Variants in LSAMP observed in about 807,000 individuals in gnomAD.
LSAMP encodes the protein limbic system associated membrane protein.
In LSAMP, 7 loss-of-function variants were observed where a neutral mutation model predicts 38.6. The observed-to-expected ratio is 0.18, with a 90% CI of 0.10 to 0.34. The LOEUF (loss-of-function observed/expected upper bound fraction) is 0.34, where lower values mean the gene tolerates loss of function less well. Among genes scored for constraint, LSAMP ranks in the 10% least tolerant of loss-of-function variants. The probability of loss-of-function intolerance (pLI) is 1.00; values close to 1 mark genes in which losing one functional copy is unlikely to be tolerated. For missense variants in LSAMP, 313 were observed against 420.0 expected (o/e 0.75, Z 2.23); for synonymous variants, 154 against 166.8 (o/e 0.92, Z 0.59).
At chr3:115,844,261 C>A (rs148891287) in intron 4 of LSAMP, among the ~76,000 whole-genome samples, 175 of 152,262 alleles carry the variant, frequency 1.1e-3, no homozygotes, top group African/African-American at 4.0e-3. Flanking sequence ...TCTTAAATTG[C>A]TAACTTTCCA....
chr3:116,347,888 T>G (rs770256296), intron 1 of LSAMP, among the ~76,000 whole-genome samples: 1 of 152,000 alleles, frequency 6.6e-6, no homozygotes, highest in Non-Finnish European at 1.5e-5. Flanking sequence ...AAGACAGATA[T>G]AAAAAGAGAA....
intron 3 of LSAMP, among the ~76,000 whole-genome samples, chr3:116,016,290 G>A (rs191239238): frequency 6.6e-6 from 1 of 152,276 alleles, no homozygotes; most frequent in East Asian, 1.9e-4. Flanking sequence ...ATGATCAGTT[G>A]GTTATTTAGG....
At chr3:116,270,002 T>C (rs1398310239) in intron 1 of LSAMP, among the ~76,000 whole-genome samples, 1 of 152,148 alleles carries the variant, frequency 6.6e-6, no homozygotes, top group Admixed American at 6.6e-5. Flanking sequence ...AGCTAAACCA[T>C]TTTTAACATG....
At position 115,809,763 on chromosome 3, in the gene LSAMP, A is replaced by T. The variant is rs1434148621; in HGVS notation, c.*554T>A. ...ACTGGAGGGAGAGGGGATGATCTCT[A>T]AAGTTGGAGAGATAGTGGAGGAAGG... On this transcript the variant is annotated 3_prime_UTR_variant, in exon 7 of 7. Coordinates refer to ENST00000490035, the MANE Select transcript of LSAMP (RefSeq NM_002338.5). 6.5e-6 allele frequency: 1 copy of T among 152,830 alleles called. No individual in the cohort carries two copies. Among genetic ancestry groups the T allele is most frequent in the Non-Finnish European group, 1.5e-5 (1 of 68,616 alleles). 9.5% of individuals were successfully genotyped at this position (152,830 alleles called of 1,614,324 possible). A position where few individuals can be genotyped will look rare whatever the true frequency, so the allele number is the denominator to read the frequency against.
chr3:116,403,587 C>A (rs2107829235), intron 1 of LSAMP, among the ~76,000 whole-genome samples: 1 of 152,060 alleles, frequency 6.6e-6, no homozygotes, highest in East Asian at 1.9e-4. Flanking sequence ...AGCTAAAAGT[C>A]TAATTGAAAT....
chr3:115,996,452 TACAG>T (rs1939817039), intron 3 of LSAMP, among the ~76,000 whole-genome samples: 1 of 152,134 alleles, frequency 6.6e-6, no homozygotes, highest in African/African-American at 2.4e-5. Context: ...ATCATTGCTT[TACAG>T]TATTATGACT....
At chr3:116,088,473 TG>T (rs1216930999) in intron 1 of LSAMP, among the ~76,000 whole-genome samples, 1 of 152,194 alleles carries the variant, frequency 6.6e-6, no homozygotes. Flanking sequence ...TCTCTGTTCT[TG>T]GTGATGTTTG....
rs571704477 is a variant in LSAMP, at chr3:116,204,352, G to T, written c.156-117796C>A. ...AAAACTTTCTCCCATTTTGTAGGTT[G>T]CCTGTTCACTCTGATGGTAGTTTCT... On this transcript the variant is annotated intron_variant, in intron 1 of 6. Coordinates refer to ENST00000490035, the MANE Select transcript of LSAMP (RefSeq NM_002338.5). Among the ~76,000 whole-genome samples, 52 of 152,144 alleles carry T rather than the reference G, an allele frequency of 3.4e-4. 1 individual carries two copies. Among genetic ancestry groups the T allele is most frequent in the Admixed American group, 1.6e-3 (24 of 15,298 alleles).
At chr3:116,195,040 A>C (rs7641198) in intron 1 of LSAMP, among the ~76,000 whole-genome samples, 120,217 of 152,122 alleles carry the variant, frequency 0.79, 48,601 homozygotes, top group East Asian at 0.91. Flanking sequence ...GTTCATTCAG[A>C]GAGATGTGCT....
At chr3:116,204,173 G>T (rs1281261777) in intron 1 of LSAMP, among the ~76,000 whole-genome samples, 1 of 151,896 alleles carries the variant, frequency 6.6e-6, no homozygotes, top group Non-Finnish European at 1.5e-5. Flanking sequence ...ATTTTTTCAT[G>T]TGTTTTTTGG....
chr3:116,399,515 C>T (rs142739952), intron 1 of LSAMP, among the ~76,000 whole-genome samples: 150 of 152,220 alleles, frequency 9.9e-4, no homozygotes, highest in Admixed American at 3.7e-3. Context: ...AACGGTGATG[C>T]TGCAAAGTGG....
intron 1 of LSAMP, among the ~76,000 whole-genome samples, chr3:116,240,788 C>T (rs1286088734): frequency 6.6e-6 from 1 of 152,214 alleles, no homozygotes; most frequent in Non-Finnish European, 1.5e-5. Context: ...ATTAGATTCT[C>T]AAGAGAGCTG....
chr3:116,057,932 TACACACACACACACACACACACACCC>T (rs1366780044), intron 2 of LSAMP, among the ~76,000 whole-genome samples: 2 of 136,656 alleles, frequency 1.5e-5, no homozygotes, highest in African/African-American at 5.6e-5. Context: ...ATATAGTAGC[TACACACACACACACACACACACACCC>T]ACACACACAC....
intron 3 of LSAMP, among the ~76,000 whole-genome samples, chr3:115,994,588 C>T (rs1055477511): frequency 6.6e-6 from 1 of 151,950 alleles, no homozygotes; most frequent in Admixed American, 6.6e-5. Flanking sequence ...GAAAGGTAGC[C>T]TCATTTCAGC....
chr3:116,414,034 C>T (rs1242502228), intron 1 of LSAMP, among the ~76,000 whole-genome samples: 3 of 152,002 alleles, frequency 2.0e-5, no homozygotes, highest in Admixed American at 6.6e-5. Context: ...GCAGGAAAGG[C>T]GGCTGGATGA....
chr3:116,148,986 C>A (rs1216642119), intron 1 of LSAMP, among the ~76,000 whole-genome samples: 1 of 152,036 alleles, frequency 6.6e-6, no homozygotes, highest in East Asian at 1.9e-4. Flanking sequence ...TGGGGCACAG[C>A]CACAGAGCAA....
At chr3:116,198,581 AAC>A (rs552309693) in intron 1 of LSAMP, among the ~76,000 whole-genome samples, 1 of 151,298 alleles carries the variant, frequency 6.6e-6, no homozygotes, top group Non-Finnish European at 1.5e-5. Flanking sequence ...CATCCCGGCT[AAC>A]ACAGTGAAAC....
At chr3:116,148,711 C>T (rs968997279) in intron 1 of LSAMP, among the ~76,000 whole-genome samples, 7 of 151,874 alleles carry the variant, frequency 4.6e-5, no homozygotes, top group Admixed American at 3.3e-4. Flanking sequence ...TAAATTTAGT[C>T]GCTTTTTAAA....
chr3:115,950,151 G>T (rs1938234985), intron 3 of LSAMP, among the ~76,000 whole-genome samples: 1 of 147,832 alleles, frequency 6.8e-6, no homozygotes, highest in African/African-American at 2.7e-5. Context: ...AAAGTTGAAA[G>T]AAATCCCCCT....
Sources: allele counts gnomAD v4.1 joint callset (sites outside exome capture counted in the v4.1 genomes callset), GRCh38; gene constraint gnomAD v4.1.1; transcripts MANE v1.5; gene names NCBI Gene and HGNC (gene_info 2026-07-23, HGNC 2026-07-21).